ARHGAP22: variants seen among roughly 807,000 people sequenced by gnomAD.
The protein encoded by ARHGAP22 is Rho GTPase activating protein 22, also known as rho GTPase-activating protein 22.
A neutral mutation model predicts 59.1 loss-of-function variants in ARHGAP22; 48 were observed. That is an observed-to-expected ratio of 0.81 (90% CI 0.64 to 1.03). The LOEUF (loss-of-function observed/expected upper bound fraction) is 1.03. ARHGAP22 is among the 50% of genes least tolerant of loss of function. The probability of loss-of-function intolerance (pLI) is 0.00; values close to 1 mark genes in which losing one functional copy is unlikely to be tolerated. For synonymous variants in ARHGAP22, 445 were observed against 416.4 expected, an observed-to-expected ratio of 1.07 and a Z score of -0.84; for missense variants, 1,015 against 958.7, an observed-to-expected ratio of 1.06 and a Z score of -0.78.
At position 48,538,848 on chromosome 10, in the gene ARHGAP22, C is replaced by T. The variant is rs1031187065; in HGVS notation, c.322+16615G>A. ...TCCAGGTGACACACTGGCATCTCCA[C>T]CTACCCATATTAACACTGGAGAAGA... On this transcript the variant is annotated intron_variant, in intron 3 of 9. Coordinates refer to ENST00000249601, the MANE Select transcript of ARHGAP22 (RefSeq NM_021226.4). Among the ~76,000 whole-genome samples the T allele has an allele frequency of 2.6e-5, 4 of 152,138 alleles. No homozygotes were observed. The East Asian group carries it at 7.7e-4, about 29-fold the overall frequency.
At chr10:48,639,599 G>C (rs1324414421) in intron 1 of ARHGAP22, among the ~76,000 whole-genome samples, 1 of 152,200 alleles carries the variant, frequency 6.6e-6, no homozygotes, top group African/African-American at 2.4e-5. Flanking sequence ...CCCTAGGAAG[G>C]CAGGTTTAAA....
intron 3 of ARHGAP22, among the ~76,000 whole-genome samples, chr10:48,481,784 G>A (rs2049348765): frequency 6.6e-6 from 1 of 152,190 alleles, no homozygotes; most frequent in African/African-American, 2.4e-5. Flanking sequence ...ACCAACACTA[G>A]CTATGCTCAG....
Position 48,555,462 on chromosome 10 carries a change from C to T in ARHGAP22, c.322+1G>A. On this transcript the variant is annotated splice_donor_variant, in intron 3 of 9. Transcript: ENST00000249601. LOFTEE classifies it high-confidence loss of function. ...CAGAGCTGGAAGGTGCTCAGGCCTA[C>T]CTGGGCTGATCTCAAAGAGGTGCTT... 6.2e-7 allele frequency: 1 copy of T among 1,613,870 alleles called. No individual in the cohort carries two copies. The highest frequency in any genetic ancestry group is 8.5e-7 in the Non-Finnish European group (1 of 1,179,896).
intron 2 of ARHGAP22, among the ~76,000 whole-genome samples, chr10:48,572,048 G>T (rs922334786): frequency 1.3e-5 from 2 of 152,166 alleles, no homozygotes; most frequent in African/African-American, 4.8e-5. Context: ...GGCTGTGATA[G>T]GAGGTCAAAC....
chr10:48,651,304 T>A (rs972194931), intron 1 of ARHGAP22, among the ~76,000 whole-genome samples: 1 of 152,116 alleles, frequency 6.6e-6, no homozygotes, highest in African/African-American at 2.4e-5. Context: ...CATCATCTCA[T>A]AACTGAGCCC....
At chr10:48,485,228 T>A (rs2049735520) in intron 3 of ARHGAP22, among the ~76,000 whole-genome samples, 1 of 152,232 alleles carries the variant, frequency 6.6e-6, no homozygotes, top group South Asian at 2.1e-4. Flanking sequence ...TTTTTCTAGT[T>A]TCTTCCAGAG....
intron 1 of ARHGAP22, among the ~76,000 whole-genome samples, chr10:48,636,613 G>A (rs2061829645): frequency 6.6e-6 from 1 of 152,218 alleles, no homozygotes; most frequent in Non-Finnish European, 1.5e-5. Flanking sequence ...CTAGAGAGGA[G>A]GGGATATATC....
the ARHGAP22 span, chr10:48,434,800 C>A: frequency 9.7e-6 from 12 of 1,231,504 alleles, no homozygotes; most frequent in Non-Finnish European, 1.2e-5. Flanking sequence ...AAAAAAATTA[C>A]CACTGGAGGC....
chr10:48,518,511 C>T (rs2053511112), intron 3 of ARHGAP22, among the ~76,000 whole-genome samples: 3 of 152,082 alleles, frequency 2.0e-5, no homozygotes, highest in Admixed American at 2.0e-4. Flanking sequence ...ACACTTAGGC[C>T]CAGACAAACA....
chr10:48,548,086 A>G (rs2056600796), intron 3 of ARHGAP22, among the ~76,000 whole-genome samples: 2 of 152,134 alleles, frequency 1.3e-5, no homozygotes, highest in Admixed American at 1.3e-4. Context: ...AAGCACAGAT[A>G]CTGAGACTTT....
Position 48,522,209 on chromosome 10 carries a change from C to T in ARHGAP22, c.322+33254G>A, listed in dbSNP as rs561331289. Among the ~76,000 whole-genome samples the T allele has an allele frequency of 4.6e-5, 7 of 152,356 alleles. No individual in the cohort carries two copies. The East Asian group carries it at 1.3e-3, about 29-fold the overall frequency. ...CATCCACTCTGGCACCACAGCGCTC[C>T]CCACCCACTTGGCCAGCTTGGCTAA... On this transcript the variant is annotated intron_variant, in intron 3 of 9. Coordinates refer to ENST00000249601, the MANE Select transcript of ARHGAP22 (RefSeq NM_021226.4).
At chr10:48,633,966 A>C (rs184566991) in intron 1 of ARHGAP22, among the ~76,000 whole-genome samples, 2 of 152,202 alleles carry the variant, frequency 1.3e-5, no homozygotes, top group Non-Finnish European at 2.9e-5. Context: ...ATGGGCATCT[A>C]TGCCCTATGT....
intron 5 of ARHGAP22, among the ~76,000 whole-genome samples, chr10:48,455,846 G>A (rs1415017588): frequency 6.6e-6 from 1 of 152,224 alleles, no homozygotes; most frequent in Non-Finnish European, 1.5e-5. Flanking sequence ...AACAGCAGGA[G>A]CAGGTCGGAG....
upstream of ARHGAP22, chr10:48,656,125 C>A: frequency 6.6e-6 from 1 of 152,394 alleles, no homozygotes; most frequent in Non-Finnish European, 1.5e-5. Context: ...GCTCCCGGCC[C>A]GCTCCTTTAG....
chr10:48,486,034 G>A (rs1313809020), intron 3 of ARHGAP22, among the ~76,000 whole-genome samples: 2 of 151,960 alleles, frequency 1.3e-5, no homozygotes, highest in Non-Finnish European at 2.9e-5. Flanking sequence ...TCTTGTTTTG[G>A]ATGGAGTTTT....
intron 3 of ARHGAP22, among the ~76,000 whole-genome samples, chr10:48,526,966 C>G (rs1052313881): frequency 2.0e-5 from 3 of 152,162 alleles, no homozygotes; most frequent in African/African-American, 7.2e-5. Flanking sequence ...GTTGTGTGTC[C>G]TTCCTCAAGG....
intron 3 of ARHGAP22, among the ~76,000 whole-genome samples, chr10:48,495,444 T>C (rs564804454): frequency 1.0e-3 from 157 of 152,326 alleles, no homozygotes; most frequent in African/African-American, 3.6e-3. Context: ...GTCACATGAC[T>C]AATAAGATGT....
chr10:48,652,483 C>T lies in ARHGAP22; in HGVS notation c.-198G>A, dbSNP rs193092355. The T allele has an allele frequency of 5.0e-6, 3 of 604,248 alleles. No homozygotes were observed. In the East Asian group the frequency reaches 8.3e-5, roughly 17 times the overall value. The allele number at this position is 604,248 out of a possible 1,614,324, so 37.4% of individuals were successfully genotyped here. On this transcript the variant is annotated 5_prime_UTR_variant, in exon 1 of 10. Transcript: ENST00000435790. Reference sequence around the variant, plus strand: ...GAAGCCTCGCTGTGAAGAATTAGTTCATTAAGCGTAAGTGCATCTAGGGAT... The same window carrying T: ...GAAGCCTCGCTGTGAAGAATTAGTTTATTAAGCGTAAGTGCATCTAGGGAT...
At position 48,446,599 on chromosome 10, in the gene ARHGAP22, T is replaced by C. The variant is rs903681856; in HGVS notation, c.1889A>G (p.Asp630Gly). Residue 630 changes from aspartate to glycine, a missense_variant, in exon 10 of 10, where the codon GAC becomes GGC. Physicochemically the swap from Asp to Gly is moderately conservative, Grantham distance 94. Coordinates refer to ENST00000249601, the MANE Select transcript of ARHGAP22 (RefSeq NM_021226.4). ...SVKRIEEGSA[D>G]LRKRMSRLEE... is the part of the protein sequence containing the mutation. ...TAACCGGGACATTCGTTTTCTCAGG[T>C]CAGCACTCCCTTCTTCGATTCTGAA... is the stretch of plus-strand genomic sequence containing the variant. The C allele has an allele frequency of 3.1e-6, 5 of 1,614,026 alleles. No homozygotes were observed. The Admixed American group carries it at 5.0e-5, about 16-fold the overall frequency.
Sources: allele counts gnomAD v4.1 joint callset (sites outside exome capture counted in the v4.1 genomes callset), GRCh38; gene constraint gnomAD v4.1.1; transcripts MANE v1.5; gene names NCBI Gene and HGNC (gene_info 2026-07-23, HGNC 2026-07-21).